The following NOPCHAP1 variants were observed in gnomAD, a reference collection of about 807,000 sequenced individuals.
NOPCHAP1 encodes the protein DNA damage-sensitive RNA 1.
Under a neutral mutation model 14.0 loss-of-function variants are expected in NOPCHAP1, and 13 were observed. The ratio of observed to expected loss-of-function variants is 0.93; its 90% confidence interval spans 0.60 to 1.47. The LOEUF (loss-of-function observed/expected upper bound fraction) is 1.47, where lower values mean the gene tolerates loss of function less well. Ranked by LOEUF, NOPCHAP1 falls within the 40% of genes most tolerant of loss-of-function variation. NOPCHAP1 has a pLI of 0.00. For missense variants in NOPCHAP1, 230 were observed against 226.9 expected (o/e 1.01, Z -0.09); for synonymous variants, 78 against 78.4 (o/e 1.00, Z 0.03).
Position 104,988,254 on chromosome 12 carries a change from G to C in NOPCHAP1, c.202+1G>C. On this transcript the variant is annotated splice_donor_variant, in intron 2 of 3. Coordinates refer to ENST00000552951, the MANE Select transcript of NOPCHAP1 (RefSeq NM_152318.3). LOFTEE classifies it high-confidence loss of function. ...ACAGTTCGGATAGAGAGGAGTCCCT[G>C]TAAGTACCTCTTCCCCTCTCTCACC... 6.2e-7 allele frequency: 1 copy of C among 1,603,014 alleles called. No homozygotes were observed. Among genetic ancestry groups the C allele is most frequent in the Non-Finnish European group, 8.5e-7 (1 of 1,170,984 alleles).
rs199930633 is a variant in NOPCHAP1 at position 105,016,002 on chromosome 12, T to TAA, written c.*21306_*21307insAA. 3.2e-4 allele frequency: 47 copies of TAA among 147,650 alleles called. No individual in the cohort carries two copies. Among genetic ancestry groups the TAA allele is most frequent in the African/African-American group, 1.1e-3 (45 of 39,864 alleles). The allele number at this position is 147,650 out of a possible 1,614,324, so 9.1% of individuals were successfully genotyped here. On this transcript the variant is annotated 3_prime_UTR_variant, in exon 4 of 4. Transcript: ENST00000552951. ...TCAAGAAAGGTTTTTTTTTTTTTTTTTAAAAAGCATAACATCAAAGCCTAA... is the reference window on the plus strand; with the variant it reads ...TCAAGAAAGGTTTTTTTTTTTTTTTTAATAAAAAGCATAACATCAAAGCCTAA...
chr12:105,007,417 G>A lies in NOPCHAP1; in HGVS notation c.*12721G>A, dbSNP rs1281636474. ...AAGCAATTCATATTTTTCTTGTAAT[G>A]TCATGACTTTTCTCTGCTTCTTGGA... is the stretch of plus-strand genomic sequence containing the variant. On this transcript the variant is annotated 3_prime_UTR_variant, in exon 4 of 4. Coordinates refer to ENST00000552951, the MANE Select transcript of NOPCHAP1 (RefSeq NM_152318.3). 1.7e-4 allele frequency: 26 copies of A among 152,090 alleles called. No homozygotes were observed. Among genetic ancestry groups the A allele is most frequent in the Non-Finnish European group, 3.8e-4 (26 of 68,004 alleles). 9.4% of individuals were successfully genotyped at this position (152,090 alleles called of 1,614,324 possible). A position where few individuals can be genotyped will look rare whatever the true frequency, so the allele number is the denominator to read the frequency against.
In NOPCHAP1 at chr12:105,015,140, C is replaced by T. The variant is rs200287134; in HGVS notation, c.*20444C>T. 4 of 152,260 alleles carry T rather than the reference C, an allele frequency of 2.6e-5. No homozygotes were observed. Among genetic ancestry groups the T allele is most frequent in the Middle Eastern group, 6.8e-3 (2 of 294 alleles). 9.4% of individuals were successfully genotyped at this position (152,260 alleles called of 1,614,324 possible). On this transcript the variant is annotated 3_prime_UTR_variant, in exon 4 of 4. Coordinates refer to ENST00000552951, the MANE Select transcript of NOPCHAP1 (RefSeq NM_152318.3). ...CAGCTCTCCTTGACTGTGACTCACT[C>T]GCTAAATGTGTAAAGAAATGAGCAG...
At position 104,999,703 on chromosome 12, in the gene NOPCHAP1, C is replaced by A. The variant is rs529569537; in HGVS notation, c.*5007C>A. ...CCCTACCACTTCTCTAAGCAGCTCTCCCTGCAAGCTCAAGAGTCCATGGGG... is the reference window on the plus strand; with the variant it reads ...CCCTACCACTTCTCTAAGCAGCTCTACCTGCAAGCTCAAGAGTCCATGGGG... On this transcript the variant is annotated 3_prime_UTR_variant, in exon 4 of 4. Coordinates refer to ENST00000552951, the MANE Select transcript of NOPCHAP1 (RefSeq NM_152318.3). 1 of 152,652 alleles carries A rather than the reference C, an allele frequency of 6.6e-6. No homozygotes were observed. The highest frequency in any genetic ancestry group is 1.5e-5 in the Non-Finnish European group (1 of 68,278). The allele number at this position is 152,652 out of a possible 1,614,324, so 9.5% of individuals were successfully genotyped here.
chr12:104,989,261 A>T (rs1329301874), intron 2 of NOPCHAP1, among the ~76,000 whole-genome samples: 4 of 152,212 alleles, frequency 2.6e-5, no homozygotes, highest in African/African-American at 7.2e-5. Context: ...AAACACATTT[A>T]AAAAATCAGG....
chr12:104,989,005 G>A (rs1873315963), intron 2 of NOPCHAP1, among the ~76,000 whole-genome samples: 1 of 151,332 alleles, frequency 6.6e-6, no homozygotes, highest in Non-Finnish European at 1.5e-5. Context: ...TATAGAAGGT[G>A]TAATTTTTTT....
At chr12:104,994,429 T>G in intron 3 of NOPCHAP1, 49 bp from the exon 4 acceptor site, 1 of 1,494,960 alleles carries the variant, frequency 6.7e-7, no homozygotes, top group East Asian at 2.3e-5. Flanking sequence ...TATTACGACT[T>G]TTTAAGGAAC....
intron 3 of NOPCHAP1, among the ~76,000 whole-genome samples, chr12:104,993,530 T>A (rs1296622151): frequency 1.3e-5 from 2 of 152,178 alleles, no homozygotes; most frequent in Non-Finnish European, 2.9e-5. Context: ...TATCAGCAGC[T>A]TCAGCCTTAG....
rs1021303448 is a variant in NOPCHAP1 at position 105,007,637 on chromosome 12, C to T, written c.*12941C>T. The T allele has an allele frequency of 6.6e-6, 1 of 152,204 alleles. No homozygotes were observed. Among genetic ancestry groups the T allele is most frequent in the African/African-American group, 2.4e-5 (1 of 41,430 alleles). 9.4% of individuals were successfully genotyped at this position (152,204 alleles called of 1,614,324 possible). ...TTGTCGTCTACATTAGGTATTCCTC[C>T]TAATACTATCCCTCCCCTAGGCCCC... On this transcript the variant is annotated 3_prime_UTR_variant, in exon 4 of 4. Transcript: ENST00000552951.
At chr12:104,988,090 T>C in intron 1 of NOPCHAP1, 77 bp from the exon 2 acceptor site, 1 of 1,166,902 alleles carries the variant, frequency 8.6e-7, no homozygotes, top group Non-Finnish European at 1.3e-6. Context: ...AGACTGGTCA[T>C]GTGAGAGGCT....
Position 105,004,026 on chromosome 12 carries a change from T to C in NOPCHAP1, c.*9330T>C, listed in dbSNP as rs141181473. The stretch of plus-strand genomic sequence containing the variant: ...AGGAACTACAAGTACCAAGGGAGTC[T>C]CAGGCTAATGGCCTCCTGCTTATTT... On this transcript the variant is annotated 3_prime_UTR_variant, in exon 4 of 4. Coordinates refer to ENST00000552951, the MANE Select transcript of NOPCHAP1 (RefSeq NM_152318.3). The C allele has an allele frequency of 5.9e-5, 9 of 152,368 alleles. No individual in the cohort carries two copies. In the East Asian group the frequency reaches 1.7e-3, roughly 29 times the overall value. The allele number at this position is 152,368 out of a possible 1,614,324, so 9.4% of individuals were successfully genotyped here. A position where few individuals can be genotyped will look rare whatever the true frequency, so the allele number is the denominator to read the frequency against.
In NOPCHAP1 at chr12:105,017,127, C is replaced by T. The variant is rs997138424; in HGVS notation, c.*22431C>T. On this transcript the variant is annotated 3_prime_UTR_variant, in exon 4 of 4. Transcript: ENST00000552951. ...TTCCAATAACATTTTAATTGCGCAT[C>T]AAATATGGTACTTATTTTTAAAAAC... 1 of 152,124 alleles carries T rather than the reference C, an allele frequency of 6.6e-6. No individual in the cohort carries two copies. The highest frequency in any genetic ancestry group is 1.5e-5 in the Non-Finnish European group (1 of 68,028). 9.4% of individuals were successfully genotyped at this position (152,124 alleles called of 1,614,324 possible).
At position 104,986,419 on chromosome 12, in the gene NOPCHAP1, G is replaced by C. The variant is rs371351832; in HGVS notation, c.67G>C (p.Val23Leu). Residue 23 changes from valine to leucine, a missense_variant, in exon 1 of 4, where the codon GTC becomes CTC. By Grantham distance (32) the Val-to-Leu change is conservative. Transcript: ENST00000552951. ...CSSPTRDSSGVPVSKELLTAG... is the reference protein window; with the variant it reads ...CSSPTRDSSGLPVSKELLTAG... ...GTCGCCCACCCGGGATTCCTCAGGA[G>C]TCCCAGTGTCCAAGGAGCTGCTGAC... 1.2e-6 allele frequency: 2 copies of C among 1,611,526 alleles called. No individual in the cohort carries two copies. Among genetic ancestry groups the C allele is most frequent in the East Asian group, 2.2e-5 (1 of 44,768 alleles).
At position 105,005,320 on chromosome 12, in the gene NOPCHAP1, A is replaced by G. The variant is rs1324849471; in HGVS notation, c.*10624A>G. 6.6e-6 allele frequency: 1 copy of G among 152,370 alleles called. No individual in the cohort carries two copies. The highest frequency in any genetic ancestry group is 2.1e-4 in the South Asian group (1 of 4,824). 9.4% of individuals were successfully genotyped at this position (152,370 alleles called of 1,614,324 possible). On this transcript the variant is annotated 3_prime_UTR_variant, in exon 4 of 4. Coordinates refer to ENST00000552951, the MANE Select transcript of NOPCHAP1 (RefSeq NM_152318.3). ...GGAGCAGGCTCAAGCAAGTGGCTCA[A>G]GAGTGCTGGTTAGAGAATTTTCTGG...
In NOPCHAP1 at chr12:104,986,470, G is replaced by A. The variant is rs1323940596; in HGVS notation, c.115+3G>A. On this transcript the variant is annotated splice_donor_region_variant and intron_variant, in intron 1 of 3. Coordinates refer to ENST00000552951, the MANE Select transcript of NOPCHAP1 (RefSeq NM_152318.3). ...GGCGGGAAGCGACGGCCGCGGAGGT[G>A]ACGGACGGGTGACGGCGGCATGGGC... The A allele has an allele frequency of 6.3e-7, 1 of 1,596,806 alleles. No homozygotes were observed. The highest frequency in any genetic ancestry group is 1.1e-5 in the South Asian group (1 of 89,250).
chr12:105,008,059 C>G lies in NOPCHAP1; in HGVS notation c.*13363C>G, dbSNP rs972546590. On this transcript the variant is annotated 3_prime_UTR_variant, in exon 4 of 4. Coordinates refer to ENST00000552951, the MANE Select transcript of NOPCHAP1 (RefSeq NM_152318.3). The stretch of plus-strand genomic sequence containing the variant: ...TTAAATGGTATTTCTAGTTCTAGAT[C>G]CTTGAGGAATTGCCACACTGTCTTC... The G allele has an allele frequency of 6.6e-6, 1 of 152,168 alleles. No homozygotes were observed. Among genetic ancestry groups the G allele is most frequent in the Non-Finnish European group, 1.5e-5 (1 of 68,026 alleles). The allele number at this position is 152,168 out of a possible 1,614,324, so 9.4% of individuals were successfully genotyped here.
At position 104,996,999 on chromosome 12, in the gene NOPCHAP1, C is replaced by T. The variant is rs1033331678; in HGVS notation, c.*2303C>T. The T allele has an allele frequency of 6.6e-6, 1 of 152,170 alleles. No individual in the cohort carries two copies. The highest frequency in any genetic ancestry group is 2.4e-5 in the African/African-American group (1 of 41,430). The allele number at this position is 152,170 out of a possible 1,614,324, so 9.4% of individuals were successfully genotyped here. A position where few individuals can be genotyped will look rare whatever the true frequency, so the allele number is the denominator to read the frequency against. ...GTGTCACTGCATGTGAGGTGGGTCTCTTGAAGATAGCATACCATTGGATTT... is the reference window on the plus strand; with the variant it reads ...GTGTCACTGCATGTGAGGTGGGTCTTTTGAAGATAGCATACCATTGGATTT... On this transcript the variant is annotated 3_prime_UTR_variant, in exon 4 of 4. Transcript: ENST00000552951.
Position 105,011,961 on chromosome 12 carries a change from A to T in NOPCHAP1, c.*17265A>T, listed in dbSNP as rs962574467. Reference sequence around the variant, plus strand: ...TTCAACCTTGGTGAATCTGATGATTATGTGTCTTGGGGTTGCTCTTCTCGA... The same window carrying T: ...TTCAACCTTGGTGAATCTGATGATTTTGTGTCTTGGGGTTGCTCTTCTCGA... On this transcript the variant is annotated 3_prime_UTR_variant, in exon 4 of 4. Coordinates refer to ENST00000552951, the MANE Select transcript of NOPCHAP1 (RefSeq NM_152318.3). The T allele has an allele frequency of 6.6e-6, 1 of 151,978 alleles. No homozygotes were observed. Among genetic ancestry groups the T allele is most frequent in the Non-Finnish European group, 1.5e-5 (1 of 67,996 alleles). 9.4% of individuals were successfully genotyped at this position (151,978 alleles called of 1,614,324 possible). A position where few individuals can be genotyped will look rare whatever the true frequency, so the allele number is the denominator to read the frequency against.
At chr12:104,989,257 A>G (rs1873322068) in intron 2 of NOPCHAP1, among the ~76,000 whole-genome samples, 1 of 152,206 alleles carries the variant, frequency 6.6e-6, no homozygotes. Flanking sequence ...TCTTAAACAC[A>G]TTTAAAAAAT....
Sources: allele counts gnomAD v4.1 joint callset (sites outside exome capture counted in the v4.1 genomes callset), GRCh38; gene constraint gnomAD v4.1.1; transcripts MANE v1.5; gene names NCBI Gene and HGNC (gene_info 2026-07-23, HGNC 2026-07-21).